AGAP1: variants seen among roughly 807,000 people sequenced by gnomAD.
The protein encoded by AGAP1 is ArfGAP with GTPase domain, ankyrin repeat and PH domain 1, also known as arf-GAP with GTPase, ANK repeat and PH domain-containing protein 1.
Under a neutral mutation model 105.3 loss-of-function variants are expected in AGAP1, and 29 were observed. The ratio of observed to expected loss-of-function variants is 0.28; its 90% CI spans 0.21 to 0.38. AGAP1 has a LOEUF of 0.38. Among genes scored for constraint, AGAP1 ranks in the 10% least tolerant of loss-of-function variants. AGAP1 has a pLI of 1.00. For synonymous variants in AGAP1, 509 were observed against 485.9 expected (o/e 1.05, Z -0.63); for missense variants, 998 against 1,165.1 (o/e 0.86, Z 2.09).
rs2058061061 is a variant in AGAP1 at position 236,056,710 on chromosome 2, A to C, written c.2114+7429A>C. 6.6e-6 allele frequency among the ~76,000 whole-genome samples: 1 copy of C among 152,054 alleles called. No individual in the cohort carries two copies. Among genetic ancestry groups the C allele is most frequent in the East Asian group, 1.9e-4 (1 of 5,166 alleles). ...TGAACTTTTCTCTTTCTTCTTCTTA[A>C]TGAAGAGGAGGGAGACAAAAACATG... On this transcript the variant is annotated intron_variant, in intron 16 of 17. Coordinates refer to ENST00000304032, the MANE Select transcript of AGAP1 (RefSeq NM_001037131.3). The surrounding 1 kb of genome is among the most constrained non-coding windows in gnomAD (Gnocchi z 4.6).
Position 235,839,222 on chromosome 2 carries a change from T to C in AGAP1, c.1050+31891T>C, listed in dbSNP as rs1292894827. On this transcript the variant is annotated intron_variant, in intron 9 of 17. Transcript: ENST00000304032. The stretch of plus-strand genomic sequence containing the variant: ...AATAGAAAGTCTGAGAACACAAACC[T>C]GTGCTTTTCCATTTAAATATGGCAC... Among the ~76,000 whole-genome samples the C allele has an allele frequency of 1.3e-5, 2 of 152,222 alleles. 1 individual carries two copies. Among genetic ancestry groups the C allele is most frequent in the African/African-American group, 4.8e-5 (2 of 41,456 alleles).
chr2:235,658,996 A>G (rs980049391), intron 1 of AGAP1, among the ~76,000 whole-genome samples: 6 of 152,168 alleles, frequency 3.9e-5, no homozygotes, highest in Non-Finnish European at 8.8e-5. Flanking sequence ...ACTCTGAAGC[A>G]GCCCAGCAGC....
intron 9 of AGAP1, among the ~76,000 whole-genome samples, chr2:235,878,295 G>A (rs192542396): frequency 6.6e-6 from 1 of 152,342 alleles, no homozygotes; most frequent in East Asian, 1.9e-4. Flanking sequence ...CCTGTGGCCA[G>A]TATTTTAACA....
At chr2:235,661,398 T>C (rs1056872088) in intron 1 of AGAP1, among the ~76,000 whole-genome samples, 1 of 150,334 alleles carries the variant, frequency 6.7e-6, no homozygotes, top group Non-Finnish European at 1.5e-5. Flanking sequence ...AGCGGGAGAG[T>C]TGGGTGTGGG....
chr2:235,532,399 A>G (rs975322110), intron 1 of AGAP1, among the ~76,000 whole-genome samples: 2 of 152,132 alleles, frequency 1.3e-5, no homozygotes, highest in Admixed American at 6.6e-5. Flanking sequence ...GTATTTTTGT[A>G]GAGATGGGGT....
Position 235,845,355 on chromosome 2 carries a change from C to G in AGAP1, c.1051-37990C>G, listed in dbSNP as rs1961345637. Among the ~76,000 whole-genome samples the G allele has an allele frequency of 6.6e-6, 1 of 152,098 alleles. No homozygotes were observed. The highest frequency in any genetic ancestry group is 1.5e-5 in the Non-Finnish European group (1 of 68,006). ...GGGACCCCCAGAGCAAAATCCAACA[C>G]CATGCTGGCTTCTGGGAGTGCAGAT... On this transcript the variant is annotated intron_variant, in intron 9 of 17. Transcript: ENST00000304032. This position sits in a 1 kb window ranked among gnomAD's most constrained non-coding sequence, Gnocchi z 4.8.
chr2:235,598,201 CTGAG>C (rs147100965), intron 1 of AGAP1, among the ~76,000 whole-genome samples: 2,499 of 152,282 alleles, frequency 0.016, 66 homozygotes, highest in African/African-American at 0.057. Context: ...GCATCCCAGT[CTGAG>C]TGAGTTTGGG....
chr2:235,869,122 G>C (rs1335200688), intron 9 of AGAP1, among the ~76,000 whole-genome samples: 2 of 152,166 alleles, frequency 1.3e-5, no homozygotes, highest in African/African-American at 4.8e-5. Context: ...TTACAAACAA[G>C]TTAAAATTTG....
rs2050637690 is a variant in AGAP1, at chr2:235,893,302, G to A, written c.1155+9853G>A. Among the ~76,000 whole-genome samples the A allele has an allele frequency of 6.6e-6, 1 of 151,032 alleles. No homozygotes were observed. Among genetic ancestry groups the A allele is most frequent in the Non-Finnish European group, 1.5e-5 (1 of 67,782 alleles). ...TGTAGCGTGGGTGTAGCGTGTCTGT[G>A]GCGCAGGTGTGCCGTGTCTGTGGCA... On this transcript the variant is annotated intron_variant, in intron 10 of 17. Transcript: ENST00000304032. This position sits in a 1 kb window ranked among gnomAD's most constrained non-coding sequence, Gnocchi z 4.7.
In AGAP1 at chr2:235,556,570, C is replaced by T. The variant is rs900864563; in HGVS notation, c.163+61721C>T. On this transcript the variant is annotated intron_variant, in intron 1 of 17. Coordinates refer to ENST00000304032, the MANE Select transcript of AGAP1 (RefSeq NM_001037131.3). This position sits in a 1 kb window ranked among gnomAD's most constrained non-coding sequence, Gnocchi z 5.3. ...AGGCACCTTGGGGGAGGGAAGGCAT[C>T]AGGAGCCTTCTGCTGAGTTCAGTGG... Among the ~76,000 whole-genome samples, 2 of 152,238 alleles carry T rather than the reference C, an allele frequency of 1.3e-5. No individual in the cohort carries two copies. The highest frequency in any genetic ancestry group is 2.9e-5 in the Non-Finnish European group (2 of 68,048).
chr2:235,745,848 C>G (rs1400270044), intron 5 of AGAP1, among the ~76,000 whole-genome samples: 1 of 152,196 alleles, frequency 6.6e-6, no homozygotes, highest in East Asian at 1.9e-4. Flanking sequence ...CATTTTCCAG[C>G]CAGACGTGGT....
intron 6 of AGAP1, chr2:235,774,255 A>C (rs1437518845): frequency 2.3e-6 from 1 of 427,618 alleles, no homozygotes; most frequent in Non-Finnish European, 4.7e-6. Flanking sequence ...GTAAGGCAGA[A>C]ATTCCAGCCT....
At chr2:235,667,913 G>C (rs972458676) in intron 1 of AGAP1, among the ~76,000 whole-genome samples, 1 of 142,994 alleles carries the variant, frequency 7.0e-6, no homozygotes, top group Non-Finnish European at 1.5e-5. Context: ...AGCCGAGATC[G>C]TGCCATTGAG....
intron 9 of AGAP1, among the ~76,000 whole-genome samples, chr2:235,859,907 C>T (rs1173615783): frequency 1.3e-5 from 2 of 152,170 alleles, no homozygotes; most frequent in African/African-American, 4.8e-5. Flanking sequence ...GTGCGCAGCG[C>T]CTTCCACCAG....
At chr2:236,060,863 A>T (rs1319892989) in intron 16 of AGAP1, among the ~76,000 whole-genome samples, 1 of 152,076 alleles carries the variant, frequency 6.6e-6, no homozygotes, top group Admixed American at 6.6e-5. Flanking sequence ...GCATCTCAAG[A>T]CCTGCCTGAT....
chr2:235,840,641 G>A (rs1960714897), intron 9 of AGAP1, among the ~76,000 whole-genome samples: 1 of 152,192 alleles, frequency 6.6e-6, no homozygotes, highest in East Asian at 1.9e-4. Context: ...AGAGAGCCTG[G>A]TGGGCTCTCA....
At position 235,720,130 on chromosome 2, in the gene AGAP1, T is replaced by A. The variant is rs769203130; in HGVS notation, c.310+2486T>A. 6.6e-6 allele frequency among the ~76,000 whole-genome samples: 1 copy of A among 152,228 alleles called. No homozygotes were observed. The highest frequency in any genetic ancestry group is 1.5e-5 in the Non-Finnish European group (1 of 68,034). ...AATGAAGGGAGCCATACTTGTTGTT[T>A]GGGAAAGAAAACAAATGAGAAGCCG... On this transcript the variant is annotated intron_variant, in intron 3 of 17. Coordinates refer to ENST00000304032, the MANE Select transcript of AGAP1 (RefSeq NM_001037131.3). The surrounding 1 kb of genome is among the most constrained non-coding windows in gnomAD (Gnocchi z 5.0).
At chr2:235,539,727 G>A (rs543157316) in intron 1 of AGAP1, among the ~76,000 whole-genome samples, 1 of 152,104 alleles carries the variant, frequency 6.6e-6, no homozygotes, top group South Asian at 2.1e-4. Flanking sequence ...GAGAGGCTTC[G>A]AGGAGAGACG....
rs146581268 is a variant in AGAP1, at chr2:235,751,011, T to A, written c.673+523T>A. On this transcript the variant is annotated intron_variant, in intron 6 of 17. Coordinates refer to ENST00000304032, the MANE Select transcript of AGAP1 (RefSeq NM_001037131.3). This position sits in a 1 kb window ranked among gnomAD's most constrained non-coding sequence, Gnocchi z 5.3. ...GGTGAGGACCAGCCTTTTGGAATTG[T>A]TTTTAGGTTATTTTATTCATTATTG... is the stretch of plus-strand genomic sequence containing the variant. 8.7e-4 allele frequency among the ~76,000 whole-genome samples: 132 copies of A among 152,162 alleles called. No individual in the cohort carries two copies. The highest frequency in any genetic ancestry group is 2.6e-3 in the African/African-American group (106 of 41,510).
Sources: allele counts gnomAD v4.1 joint callset (sites outside exome capture counted in the v4.1 genomes callset), GRCh38; gene constraint gnomAD v4.1.1; non-coding constraint Gnocchi (gnomAD v3.1); transcripts MANE v1.5; gene names NCBI Gene and HGNC (gene_info 2026-07-23, HGNC 2026-07-21).